The following MARCHF1 variants were observed in gnomAD, a reference collection of about 807,000 sequenced individuals.
MARCHF1 encodes the protein E3 ubiquitin-protein ligase MARCHF1.
MARCHF1 carries 40 observed loss-of-function variants against 54.2 expected under a neutral mutation model. The observed-to-expected ratio is 0.74, with a 90% CI of 0.57 to 0.96. The LOEUF (loss-of-function observed/expected upper bound fraction) is 0.96, where lower values mean the gene tolerates loss of function less well. Ranked by LOEUF, MARCHF1 falls within the 40% of genes least tolerant of loss-of-function variation. The probability of loss-of-function intolerance (pLI) is 0.00; values close to 1 mark genes in which losing one functional copy is unlikely to be tolerated. For missense variants in MARCHF1, 586 were observed against 656.5 expected, an observed-to-expected ratio of 0.89 and a Z score of 1.17; for synonymous variants, 236 against 236.3, an observed-to-expected ratio of 1.00 and a Z score of 0.01.
chr4:163,888,588 G>A (rs2111262513), intron 3 of MARCHF1, among the ~76,000 whole-genome samples: 1 of 152,248 alleles, frequency 6.6e-6, no homozygotes, highest in East Asian at 1.9e-4. Context: ...GTTTGCATAA[G>A]AGTTATTTCT....
chr4:163,759,185 C>T (rs1262974807), intron 4 of MARCHF1, among the ~76,000 whole-genome samples: 1 of 145,256 alleles, frequency 6.9e-6, no homozygotes, highest in African/African-American at 2.5e-5. Flanking sequence ...AAGTAGAGAC[C>T]TTTTTTTTTT....
intron 7 of MARCHF1, among the ~76,000 whole-genome samples, chr4:163,593,782 T>C (rs984914880): frequency 6.6e-6 from 1 of 152,218 alleles, no homozygotes. Context: ...ATATGAATTC[T>C]TCTACAAAGG....
chr4:164,038,806 T>A (rs1754065698), intron 2 of MARCHF1, among the ~76,000 whole-genome samples: 1 of 152,196 alleles, frequency 6.6e-6, no homozygotes, highest in South Asian at 2.1e-4. Context: ...ATAGCTGATT[T>A]TATGTTACAA....
chr4:164,046,027 G>A (rs1754234893), intron 2 of MARCHF1, among the ~76,000 whole-genome samples: 1 of 152,132 alleles, frequency 6.6e-6, no homozygotes, highest in Admixed American at 6.5e-5. Flanking sequence ...AGCAATAAGA[G>A]TAGCCTGGGT....
At chr4:163,765,298 G>A (rs10030576) in intron 4 of MARCHF1, among the ~76,000 whole-genome samples, 70,137 of 151,840 alleles carry the variant, frequency 0.46, 16,218 homozygotes, top group Admixed American at 0.5. Context: ...AAAATTGAGA[G>A]TACAGTCTTC....
At chr4:164,143,921 G>A (rs920119730) in intron 1 of MARCHF1, among the ~76,000 whole-genome samples, 2 of 152,162 alleles carry the variant, frequency 1.3e-5, no homozygotes, top group Admixed American at 6.5e-5. Flanking sequence ...CTGTATTCAT[G>A]AAACCCATCT....
intron 1 of MARCHF1, among the ~76,000 whole-genome samples, chr4:164,329,199 A>G (rs182893513): frequency 1.3e-5 from 2 of 152,204 alleles, no homozygotes; most frequent in Non-Finnish European, 2.9e-5. Flanking sequence ...CACTTTGGCA[A>G]AAGTAAACTG....
At chr4:164,274,064 G>A (rs1733809520) in intron 1 of MARCHF1, among the ~76,000 whole-genome samples, 2 of 151,540 alleles carry the variant, frequency 1.3e-5, no homozygotes, top group Admixed American at 6.6e-5. Context: ...ACACTTTACA[G>A]TACAGAAGAA....
At chr4:163,845,268 C>T (rs1192677350) in intron 4 of MARCHF1, among the ~76,000 whole-genome samples, 1 of 152,082 alleles carries the variant, frequency 6.6e-6, no homozygotes, top group Non-Finnish European at 1.5e-5. Flanking sequence ...CCTATTCTAA[C>T]AGGTCCCATT....
chr4:163,895,342 A>G (rs530146175), intron 3 of MARCHF1, among the ~76,000 whole-genome samples: 5 of 152,326 alleles, frequency 3.3e-5, no homozygotes, highest in African/African-American at 1.2e-4. Context: ...CTGAACAGGA[A>G]TAAATAATTT....
chr4:163,795,947 T>G (rs1376379314), intron 4 of MARCHF1, among the ~76,000 whole-genome samples: 1 of 152,146 alleles, frequency 6.6e-6, no homozygotes, highest in African/African-American at 2.4e-5. Flanking sequence ...AAATAAAATG[T>G]TATTAAGAAA....
intron 1 of MARCHF1, among the ~76,000 whole-genome samples, chr4:164,270,480 A>G (rs1290264537): frequency 6.6e-6 from 1 of 152,146 alleles, no homozygotes; most frequent in East Asian, 1.9e-4. Flanking sequence ...GTAATGTCAG[A>G]TATTTCTGTT....
At chr4:164,207,343 T>C (rs867315508) in intron 1 of MARCHF1, among the ~76,000 whole-genome samples, 1 of 152,236 alleles carries the variant, frequency 6.6e-6, no homozygotes, top group Non-Finnish European at 1.5e-5. Context: ...TTTATTCATT[T>C]ATTCATTTGA....
intron 1 of MARCHF1, among the ~76,000 whole-genome samples, chr4:164,122,265 T>C (rs552391673): frequency 7.2e-5 from 11 of 152,278 alleles, no homozygotes; most frequent in Admixed American, 7.2e-4. Flanking sequence ...ATAGTGAGGA[T>C]ACGGAAGTCC....
At chr4:163,846,504 A>G (rs2111148187) in intron 4 of MARCHF1, among the ~76,000 whole-genome samples, 1 of 152,210 alleles carries the variant, frequency 6.6e-6, no homozygotes, top group South Asian at 2.1e-4. Flanking sequence ...AGTGAGGAGG[A>G]TGTCACTGGT....
chr4:164,078,537 ATT>A (rs34020082), intron 2 of MARCHF1, among the ~76,000 whole-genome samples: 2 of 151,540 alleles, frequency 1.3e-5, no homozygotes, highest in African/African-American at 2.4e-5. Context: ...TAAATAAATA[ATT>A]TTTTTTTAAA....
At chr4:163,550,837 A>C (rs1226934569) in intron 8 of MARCHF1, among the ~76,000 whole-genome samples, 2 of 152,226 alleles carry the variant, frequency 1.3e-5, no homozygotes, top group Admixed American at 1.3e-4. Flanking sequence ...CCCCAGTAGC[A>C]GATGCAGCAG....
intron 5 of MARCHF1, 146 bp downstream of exon 5, chr4:163,700,667 G>C (rs1422791595): frequency 3.3e-6 from 2 of 607,146 alleles, no homozygotes; most frequent in Non-Finnish European, 2.8e-6. Flanking sequence ...TCTTATTACA[G>C]TAAAAGCTTA....
intron 1 of MARCHF1, among the ~76,000 whole-genome samples, chr4:164,228,164 G>A (rs1050496089): frequency 6.6e-6 from 1 of 152,202 alleles, no homozygotes; most frequent in African/African-American, 2.4e-5. Flanking sequence ...CTGGGGGGAA[G>A]CACCCCCTCA....
Sources: gnomAD v4.1 joint callset for allele counts (sites outside exome capture counted in the v4.1 genomes callset) on GRCh38, gnomAD v4.1.1 for gene constraint, MANE v1.5 for transcripts, NCBI Gene and HGNC (gene_info 2026-07-23, HGNC 2026-07-21) for gene names.